The following TMEM132D variants were observed in gnomAD, a reference collection of about 807,000 sequenced individuals.
The protein encoded by TMEM132D is transmembrane protein 132D.
A neutral mutation model predicts 62.3 loss-of-function variants in TMEM132D; 21 were observed. That is an observed-to-expected ratio of 0.34 (90% CI 0.24 to 0.49). The LOEUF is 0.49. Among genes scored for constraint, TMEM132D ranks in the 20% least tolerant of loss-of-function variants. The pLI, the probability that TMEM132D is intolerant of heterozygous loss-of-function variation, is 0.99. For synonymous variants in TMEM132D, 621 were observed against 575.6 expected (o/e 1.08, Z -1.13); for missense variants, 1,346 against 1,402.8 (o/e 0.96, Z 0.65).
intron 2 of TMEM132D, among the ~76,000 whole-genome samples, chr12:129,647,509 T>C (rs983038626): frequency 3.3e-5 from 5 of 152,188 alleles, no homozygotes; most frequent in African/African-American, 9.7e-5. Context: ...CCTTCTGCTT[T>C]GCTAGATATT....
At chr12:129,625,165 C>G (rs1040051569) in intron 2 of TMEM132D, among the ~76,000 whole-genome samples, 4 of 152,162 alleles carry the variant, frequency 2.6e-5, no homozygotes, top group African/African-American at 9.7e-5. Context: ...CTGAGCTTGC[C>G]TATTCATACC....
chr12:129,594,677 C>T (rs1275706013), intron 2 of TMEM132D, among the ~76,000 whole-genome samples: 3 of 152,208 alleles, frequency 2.0e-5, no homozygotes, highest in Non-Finnish European at 2.9e-5. Context: ...TGGAAGTTCT[C>T]TCTCAGTACT....
intron 3 of TMEM132D, among the ~76,000 whole-genome samples, chr12:129,373,305 A>G (rs1193592552): frequency 6.6e-6 from 1 of 152,138 alleles, no homozygotes; most frequent in Non-Finnish European, 1.5e-5. Context: ...TTAGAAACAG[A>G]CTGGGACCTT....
chr12:129,826,509 C>T (rs978793076), intron 1 of TMEM132D, among the ~76,000 whole-genome samples: 2 of 152,148 alleles, frequency 1.3e-5, no homozygotes, highest in African/African-American at 2.4e-5. Flanking sequence ...GAGTGCAGCC[C>T]GCCTTGCTCC....
In TMEM132D at chr12:129,126,002, C is replaced by G. The variant is rs1876202119; in HGVS notation, c.1444-41300G>C. On this transcript the variant is annotated intron_variant, in intron 5 of 8. Transcript: ENST00000422113. ...GCACATGGTCAGGCTGGAGAACATT[C>G]CCGGGGGGCCAGCTATGCCCAACCT... 3.3e-5 allele frequency among the ~76,000 whole-genome samples: 5 copies of G among 152,154 alleles called. No homozygotes were observed. The South Asian group carries it at 1.0e-3, about 32-fold the overall frequency.
chr12:129,611,848 C>G (rs1878783003), intron 2 of TMEM132D, among the ~76,000 whole-genome samples: 1 of 152,044 alleles, frequency 6.6e-6, no homozygotes, highest in Non-Finnish European at 1.5e-5. Context: ...AGCATAAACC[C>G]TCAGCAAAGA....
At chr12:129,763,589 T>C (rs1161592807) in intron 1 of TMEM132D, among the ~76,000 whole-genome samples, 1 of 152,162 alleles carries the variant, frequency 6.6e-6, no homozygotes, top group African/African-American at 2.4e-5. Context: ...TGTGAGTTGA[T>C]GGCACTTTCT....
chr12:129,372,951 G>T (rs1307406931), intron 3 of TMEM132D, among the ~76,000 whole-genome samples: 1 of 152,096 alleles, frequency 6.6e-6, no homozygotes, highest in Non-Finnish European at 1.5e-5. Flanking sequence ...GGTTCCTGGT[G>T]CGGTTCCTGG....
intron 2 of TMEM132D, among the ~76,000 whole-genome samples, chr12:129,613,797 G>A (rs1878841866): frequency 6.6e-6 from 1 of 151,342 alleles, no homozygotes; most frequent in Admixed American, 6.6e-5. Flanking sequence ...CCAGAACCCA[G>A]AGGACTGTCT....
intron 2 of TMEM132D, among the ~76,000 whole-genome samples, chr12:129,659,340 A>G (rs1374465048): frequency 1.3e-5 from 2 of 152,194 alleles, no homozygotes; most frequent in African/African-American, 4.8e-5. Context: ...GTTTTTCAGC[A>G]AGAATTCCAG....
chr12:129,374,169 G>A (rs1270341457), intron 3 of TMEM132D, among the ~76,000 whole-genome samples: 1 of 152,064 alleles, frequency 6.6e-6, no homozygotes, highest in East Asian at 1.9e-4. Flanking sequence ...TCAGCATTCT[G>A]GAAGATGGAA....
chr12:129,880,932 G>T (rs1232032802), intron 1 of TMEM132D, among the ~76,000 whole-genome samples: 2 of 152,006 alleles, frequency 1.3e-5, no homozygotes, highest in Non-Finnish European at 2.9e-5. Flanking sequence ...AATACAGATT[G>T]TCAGAATGAG....
intron 2 of TMEM132D, among the ~76,000 whole-genome samples, chr12:129,588,671 T>C (rs1017151535): frequency 3.3e-5 from 5 of 151,284 alleles, no homozygotes; most frequent in African/African-American, 1.2e-4. Context: ...GCCTCCCAGG[T>C]TCACACCATT....
At chr12:129,897,217 G>A (rs994232498) in intron 1 of TMEM132D, among the ~76,000 whole-genome samples, 2 of 152,188 alleles carry the variant, frequency 1.3e-5, no homozygotes, top group Non-Finnish European at 2.9e-5. Flanking sequence ...GTGAGAGGCC[G>A]CACCATATCA....
chr12:129,105,249 T>C (rs1431453190), intron 5 of TMEM132D, among the ~76,000 whole-genome samples: 1 of 144,530 alleles, frequency 6.9e-6, no homozygotes, highest in Non-Finnish European at 1.5e-5. Context: ...TGTAGGGACA[T>C]GGATGAAATT....
intron 5 of TMEM132D, among the ~76,000 whole-genome samples, chr12:129,202,706 G>C (rs548782103): frequency 3.6e-4 from 55 of 152,232 alleles, no homozygotes; most frequent in African/African-American, 1.3e-3. Flanking sequence ...GGAGACTGGA[G>C]ATGTGGCCAC....
intron 1 of TMEM132D, among the ~76,000 whole-genome samples, chr12:129,745,724 G>C (rs1047809162): frequency 6.6e-6 from 1 of 152,172 alleles, no homozygotes; most frequent in African/African-American, 2.4e-5. Flanking sequence ...CTGCCTGGAG[G>C]TAACTCTGGA....
intron 3 of TMEM132D, among the ~76,000 whole-genome samples, chr12:129,381,740 G>T (rs1279279439): frequency 3.3e-5 from 5 of 151,678 alleles, no homozygotes; most frequent in Non-Finnish European, 5.9e-5. Context: ...AAACCTACAG[G>T]AAGGCACATG....
chr12:129,417,632 T>A (rs185006029), intron 3 of TMEM132D, among the ~76,000 whole-genome samples: 87 of 152,242 alleles, frequency 5.7e-4, no homozygotes, highest in African/African-American at 2.1e-3. Context: ...ATTCAGGACA[T>A]AGGCATGGGC....
Sources: gnomAD v4.1 joint callset for allele counts (sites outside exome capture counted in the v4.1 genomes callset) on GRCh38, gnomAD v4.1.1 for gene constraint, MANE v1.5 for transcripts, NCBI Gene and HGNC (gene_info 2026-07-23, HGNC 2026-07-21) for gene names.